The following RTL9 variants were observed in gnomAD, a reference collection of about 807,000 sequenced individuals.
RTL9 encodes the protein retrotransposon Gag-like protein 9.
A neutral mutation model predicts 44.7 loss-of-function variants in RTL9; 19 were observed. The observed-to-expected ratio is 0.42, with a 90% CI of 0.30 to 0.62. The LOEUF (loss-of-function observed/expected upper bound fraction) is 0.62. Ranked by LOEUF, RTL9 falls within the 20% of genes least tolerant of loss-of-function variation. RTL9 has a pLI of 0.16. For missense variants in RTL9, 1,105 were observed against 1,080.6 expected (o/e 1.02, Z -0.32); for synonymous variants, 407 against 398.9 (o/e 1.02, Z -0.24).
chrX:110,428,265 C>T (rs1046848849), intron 1 of RTL9, among the ~76,000 whole-genome samples: 6 of 111,723 alleles, frequency 5.4e-5, no homozygotes, highest in African/African-American at 2.0e-4. Flanking sequence ...GCTCCCGCAA[C>T]AATCTAAATG....
At chrX:110,388,216 C>T (rs1376918066) in intron 1 of RTL9, among the ~76,000 whole-genome samples, 3 of 111,533 alleles carry the variant, frequency 2.7e-5, no homozygotes, top group African/African-American at 9.8e-5. Flanking sequence ...TGCAAAGGGG[C>T]CCACATCAAG....
chrX:110,400,374 A>G lies in RTL9; in HGVS notation c.-168+41458A>G, dbSNP rs147123394. Among the ~76,000 whole-genome samples, 56 of 108,994 alleles carry G rather than the reference A, an allele frequency of 5.1e-4. No individual in the cohort carries two copies. In the East Asian group the frequency reaches 5.4e-3, roughly 11 times the overall value. The allele number at this position is 108,994 out of a possible 115,157, so 94.6% of individuals were successfully genotyped here. A position where few individuals can be genotyped will look rare whatever the true frequency, so the allele number is the denominator to read the frequency against. On this transcript the variant is annotated intron_variant, in intron 1 of 2. Coordinates refer to the RTL9 transcript ENST00000520821. Reference sequence around the variant, plus strand: ...AGGAATCCCTTCCTTAGAGGCCCCAATATGGCTTTCCGTATTGTTCTGAGT... The same window carrying G: ...AGGAATCCCTTCCTTAGAGGCCCCAGTATGGCTTTCCGTATTGTTCTGAGT...
At chrX:110,411,044 G>A (rs1361467952) in intron 1 of RTL9, among the ~76,000 whole-genome samples, 2 of 112,486 alleles carry the variant, frequency 1.8e-5, no homozygotes, top group South Asian at 3.7e-4. Flanking sequence ...TTTCAGCAGC[G>A]ATCAGCAAGT....
At position 110,432,300 on chromosome X, in the gene RTL9, G is replaced by A. The variant is rs189933681; in HGVS notation, c.-167-12853G>A. The stretch of plus-strand genomic sequence containing the variant: ...CTTGCAAGACGGGGAGCCACATGGC[G>A]GCTTCCTACTCCCTTGTACCACTAC... On this transcript the variant is annotated intron_variant, in intron 1 of 3. Coordinates refer to the RTL9 transcript ENST00000465301. 6.8e-3 allele frequency among the ~76,000 whole-genome samples: 767 copies of A among 112,224 alleles called. 4 individuals are homozygous for A. The highest frequency in any genetic ancestry group is 0.023 in the African/African-American group (695 of 30,839).
chrX:110,396,050 C>T (rs1602965338), intron 1 of RTL9, among the ~76,000 whole-genome samples: 2 of 111,588 alleles, frequency 1.8e-5, no homozygotes, highest in South Asian at 7.6e-4. Flanking sequence ...TATCTAATAT[C>T]TAAATGCTTT....
intron 1 of RTL9, among the ~76,000 whole-genome samples, chrX:110,374,704 C>T (rs922147677): frequency 7.2e-5 from 8 of 111,179 alleles, no homozygotes; most frequent in Non-Finnish European, 1.3e-4. Context: ...AATTTATTTT[C>T]GGTGGAGGGT....
intron 1 of RTL9, among the ~76,000 whole-genome samples, chrX:110,428,924 G>A (rs186137444): frequency 3.2e-4 from 36 of 112,321 alleles, no homozygotes; most frequent in Admixed American, 2.9e-3. Context: ...CGATGCGACG[G>A]CACAGGTCTG....
At chrX:110,452,057 T>C (rs1320953586) in exon 1 of RTL9, 20 of 1,209,362 alleles carry the variant, frequency 1.7e-5, no homozygotes, top group Admixed American at 2.2e-5. Context: ...CCACAGGCTC[T>C]ATGAAAGCCG....
At chrX:110,420,632 T>G (rs1226096048) in intron 1 of RTL9, among the ~76,000 whole-genome samples, 1 of 112,053 alleles carries the variant, frequency 8.9e-6, no homozygotes, top group Non-Finnish European at 1.9e-5. Context: ...TCTCAAATCC[T>G]TTGCAGAATG....
chrX:110,393,870 G>A (rs927043016), intron 1 of RTL9, among the ~76,000 whole-genome samples: 5 of 112,246 alleles, frequency 4.5e-5, no homozygotes, highest in Non-Finnish European at 7.5e-5. Context: ...TGGAATCAGC[G>A]GGTTAGAAAA....
At chrX:110,453,555 A>T (rs140621397) in exon 1 of RTL9, 5 of 1,212,038 alleles carry the variant, frequency 4.1e-6, no homozygotes, top group Non-Finnish European at 5.6e-6. Flanking sequence ...TATGCCGCTA[A>T]TGGAAACCAT....
upstream of RTL9, among the ~76,000 whole-genome samples, chrX:110,450,301 A>G (rs755230153): frequency 7.2e-5 from 8 of 111,670 alleles, no homozygotes; most frequent in Non-Finnish European, 1.5e-4. Context: ...AGGACTGCCC[A>G]GGCTCCTGGC....
intron 1 of RTL9, among the ~76,000 whole-genome samples, chrX:110,371,750 T>C (rs1216856469): frequency 9.0e-6 from 1 of 111,456 alleles, no homozygotes; most frequent in Non-Finnish European, 1.9e-5. Context: ...ACAGACTTTT[T>C]TTTGGCAGTC....
intron 1 of RTL9, among the ~76,000 whole-genome samples, chrX:110,364,882 G>A (rs1474144520): frequency 8.9e-6 from 1 of 112,277 alleles, no homozygotes; most frequent in African/African-American, 3.2e-5. Flanking sequence ...AATATTCCCT[G>A]TAGTGCCAAC....
chrX:110,408,664 A>G (rs1392977670), intron 1 of RTL9, among the ~76,000 whole-genome samples: 1 of 112,388 alleles, frequency 8.9e-6, no homozygotes, highest in Non-Finnish European at 1.9e-5. Context: ...TCAGGAAATC[A>G]TGTCAACAAT....
At chrX:110,405,225 T>C (rs1348410566) in intron 1 of RTL9, among the ~76,000 whole-genome samples, 2 of 110,764 alleles carry the variant, frequency 1.8e-5, no homozygotes, top group Non-Finnish European at 3.8e-5. Flanking sequence ...TATCCTTTCT[T>C]GTGTTGTTAT....
intron 1 of RTL9, among the ~76,000 whole-genome samples, chrX:110,413,696 G>A (rs2068658005): frequency 9.1e-6 from 1 of 110,055 alleles, no homozygotes; most frequent in African/African-American, 3.3e-5. Flanking sequence ...TCTACACCTT[G>A]CTGGCTGGCC....
chrX:110,442,770 A>G (rs1038357703), intron 1 of RTL9, among the ~76,000 whole-genome samples: 1 of 111,648 alleles, frequency 9.0e-6, no homozygotes, highest in Non-Finnish European at 1.9e-5. Context: ...GCAGTTTCTT[A>G]TGAATAGGTG....
intron 1 of RTL9, among the ~76,000 whole-genome samples, chrX:110,429,105 A>G (rs1197589670): frequency 2.7e-5 from 3 of 111,950 alleles, no homozygotes; most frequent in South Asian, 3.8e-4. Flanking sequence ...GAATTGCTCA[A>G]TTCTCATCTC....
Sources: allele counts gnomAD v4.1 joint callset (sites outside exome capture counted in the v4.1 genomes callset), GRCh38; gene constraint gnomAD v4.1.1; transcripts MANE v1.5; gene names NCBI Gene and HGNC (gene_info 2026-07-23, HGNC 2026-07-21).